Variants in FOXP1 observed in about 807,000 individuals in gnomAD.
The protein encoded by FOXP1 is forkhead box protein P1.
In FOXP1, 15 loss-of-function variants were observed where a neutral mutation model predicts 98.2. The ratio of observed to expected loss-of-function variants is 0.15; its 90% CI spans 0.10 to 0.24. FOXP1 has a LOEUF of 0.24. Ranked by LOEUF, FOXP1 falls within the 10% of genes least tolerant of loss-of-function variation. The probability of loss-of-function intolerance (pLI) is 1.00; values close to 1 mark genes in which losing one functional copy is unlikely to be tolerated. For synonymous variants in FOXP1, 371 were observed against 314.5 expected (o/e 1.18, Z -1.90); for missense variants, 633 against 848.5 (o/e 0.75, Z 3.15).
intron 7 of FOXP1, among the ~76,000 whole-genome samples, chr3:71,083,655 A>C (rs1233027351): frequency 6.6e-6 from 1 of 152,206 alleles, no homozygotes; most frequent in Non-Finnish European, 1.5e-5. Flanking sequence ...TGGCCTCAGC[A>C]AGGGAAAAAC....
At chr3:71,299,432 C>T (rs115415419) in intron 5 of FOXP1, among the ~76,000 whole-genome samples, 1,705 of 152,334 alleles carry the variant, frequency 0.011, 20 homozygotes, top group Non-Finnish European at 0.018. Flanking sequence ...GATGACACCA[C>T]TTCAGCACAC....
At chr3:71,496,531 A>C (rs1246412494) in intron 2 of FOXP1, among the ~76,000 whole-genome samples, 4 of 151,830 alleles carry the variant, frequency 2.6e-5, no homozygotes, top group Non-Finnish European at 4.4e-5. Flanking sequence ...GTTAAACAAT[A>C]CTCTATGTGG....
intron 5 of FOXP1, among the ~76,000 whole-genome samples, chr3:71,279,192 A>AAAAAAAAAAAAAAAAAC (rs368277709): frequency 2.9e-5 from 4 of 139,358 alleles, no homozygotes; most frequent in Non-Finnish European, 6.3e-5. Flanking sequence ...AAAAAAAAAA[A>AAAAAAAAAAAAAAAAAC]AGAAAGAAAT....
chr3:71,126,283 G>A (rs1452832921), intron 6 of FOXP1, among the ~76,000 whole-genome samples: 1 of 151,178 alleles, frequency 6.6e-6, no homozygotes, highest in Non-Finnish European at 1.5e-5. Context: ...AGGAGATCGA[G>A]ACCATACTGG....
intron 2 of FOXP1, among the ~76,000 whole-genome samples, chr3:71,534,755 G>A (rs1299792666): frequency 1.3e-5 from 2 of 152,142 alleles, no homozygotes; most frequent in Non-Finnish European, 2.9e-5. Context: ...CTCTATTTAA[G>A]GGCTCACCAC....
chr3:71,295,028 G>A (rs555056528), intron 5 of FOXP1, among the ~76,000 whole-genome samples: 49 of 152,168 alleles, frequency 3.2e-4, no homozygotes, highest in Non-Finnish European at 5.0e-4. Context: ...GCCATTTTAC[G>A]CTGGGGTCTC....
chr3:70,958,709 C>G lies in FOXP1; in HGVS notation c.*538G>C, dbSNP rs1575647805. 7.8e-5 allele frequency: 9 copies of G among 114,848 alleles called. No individual in the cohort carries two copies. The South Asian group carries it at 3.1e-3, about 40-fold the overall frequency. The allele number at this position is 114,848 out of a possible 1,614,324, so 7.1% of individuals were successfully genotyped here. A position where few individuals can be genotyped will look rare whatever the true frequency, so the allele number is the denominator to read the frequency against. On this transcript the variant is annotated 3_prime_UTR_variant, in exon 21 of 21. Transcript: ENST00000649528. ...TTAACCCCTCCCCCCAATACACACA[C>G]AAAGGCCTTCCCCATCCCAACTGGA...
At chr3:71,057,021 G>A (rs1018804489) in intron 7 of FOXP1, among the ~76,000 whole-genome samples, 2 of 152,092 alleles carry the variant, frequency 1.3e-5, no homozygotes, top group Non-Finnish European at 2.9e-5. Context: ...GGTCATTAGC[G>A]GCAAGAGTGA....
intron 20 of FOXP1, among the ~76,000 whole-genome samples, chr3:70,959,920 C>T (rs1390612549): frequency 3.3e-5 from 5 of 152,168 alleles, no homozygotes. Context: ...CCCGTAGTGG[C>T]ATCCTGGGTG....
intron 6 of FOXP1, among the ~76,000 whole-genome samples, chr3:71,172,534 G>A (rs1277464418): frequency 1.3e-5 from 2 of 152,262 alleles, no homozygotes; most frequent in East Asian, 3.9e-4. Flanking sequence ...ACTCCTCTGA[G>A]GTGTGCAGGG....
chr3:71,226,479 A>G (rs1301377764), intron 5 of FOXP1, among the ~76,000 whole-genome samples: 6 of 151,676 alleles, frequency 4.0e-5, no homozygotes, highest in Non-Finnish European at 8.8e-5. Context: ...CCCGTCACCT[A>G]TGCAAGAGCC....
intron 3 of FOXP1, among the ~76,000 whole-genome samples, chr3:71,438,308 T>A (rs529385642): frequency 6.6e-6 from 1 of 152,344 alleles, no homozygotes; most frequent in African/African-American, 2.4e-5. Context: ...TCGTTTAATA[T>A]GAGCTACATC....
chr3:71,158,102 A>AGGAAGGAAGGAAGGAAGGAAGGAC (rs2060920076), intron 6 of FOXP1, among the ~76,000 whole-genome samples: 1 of 19,082 alleles, frequency 5.2e-5, no homozygotes, highest in African/African-American at 1.2e-4. Flanking sequence ...GAAGGAAGGA[A>AGGAAGGAAGGAAGGAAGGAAGGAC]GGAAGGGAGG....
At chr3:70,994,263 G>A (rs1185202748) in intron 13 of FOXP1, among the ~76,000 whole-genome samples, 1 of 151,614 alleles carries the variant, frequency 6.6e-6, no homozygotes, top group Non-Finnish European at 1.5e-5. Flanking sequence ...GGAGTAGGGT[G>A]ACCCAACTCC....
At chr3:71,093,159 C>G (rs979449160) in intron 7 of FOXP1, among the ~76,000 whole-genome samples, 2 of 150,552 alleles carry the variant, frequency 1.3e-5, no homozygotes, top group Non-Finnish European at 1.5e-5. Flanking sequence ...GAGGCTGAGG[C>G]AGAAGAATCG....
chr3:71,373,583 C>T (rs890259945), intron 3 of FOXP1, among the ~76,000 whole-genome samples: 2 of 152,178 alleles, frequency 1.3e-5, no homozygotes, highest in Non-Finnish European at 2.9e-5. Flanking sequence ...CTAAGCTTCA[C>T]AAAAAGCAGC....
At chr3:71,564,437 A>T (rs1187006525) in intron 2 of FOXP1, among the ~76,000 whole-genome samples, 1 of 152,258 alleles carries the variant, frequency 6.6e-6, no homozygotes, top group African/African-American at 2.4e-5. Flanking sequence ...TAAGTTCTTT[A>T]TTCTGTCCTT....
At chr3:71,394,693 G>A (rs76519449) in intron 3 of FOXP1, among the ~76,000 whole-genome samples, 7 of 152,328 alleles carry the variant, frequency 4.6e-5, no homozygotes, top group Non-Finnish European at 8.8e-5. Flanking sequence ...GGTAGTGTCA[G>A]TCTTACAGAT....
At chr3:71,233,578 G>A (rs1026302301) in intron 5 of FOXP1, among the ~76,000 whole-genome samples, 1 of 145,120 alleles carries the variant, frequency 6.9e-6, no homozygotes, top group Non-Finnish European at 1.5e-5. Flanking sequence ...AAATGCCCAC[G>A]ACCATGTTTG....
Sources: allele counts gnomAD v4.1 joint callset (sites outside exome capture counted in the v4.1 genomes callset), GRCh38; gene constraint gnomAD v4.1.1; transcripts MANE v1.5; gene names NCBI Gene and HGNC (gene_info 2026-07-23, HGNC 2026-07-21).